The following FLI1 variants were observed in gnomAD, a reference collection of about 807,000 sequenced individuals.
FLI1 encodes the protein Fli-1 proto-oncogene, ETS transcription factor.
In FLI1, 13 loss-of-function variants were observed where a neutral mutation model predicts 53.1. The observed-to-expected ratio is 0.24, with a 90% CI of 0.16 to 0.39. The LOEUF (loss-of-function observed/expected upper bound fraction) is 0.39. FLI1 is among the 10% of genes least tolerant of loss of function. The pLI is 1.00. For missense variants in FLI1, 424 were observed against 600.5 expected (o/e 0.71, Z 3.07); for synonymous variants, 244 against 236.7 (o/e 1.03, Z -0.28).
intron 1 of FLI1, among the ~76,000 whole-genome samples, chr11:128,713,286 G>T (rs1334863332): frequency 6.6e-6 from 1 of 152,170 alleles, no homozygotes; most frequent in African/African-American, 2.4e-5. Flanking sequence ...TTCCTATGTA[G>T]AATTTATCAA....
chr11:128,776,424 G>T (rs1033520711), intron 4 of FLI1, among the ~76,000 whole-genome samples: 3 of 152,252 alleles, frequency 2.0e-5, no homozygotes, highest in Non-Finnish European at 4.4e-5. Context: ...GCCAAGGCGG[G>T]TGGATCACCT....
intron 1 of FLI1, among the ~76,000 whole-genome samples, chr11:128,703,899 A>G (rs1283996392): frequency 2.0e-5 from 3 of 151,950 alleles, no homozygotes; most frequent in African/African-American, 7.3e-5. Flanking sequence ...AGACTTGTAA[A>G]AAGGTGAATG....
chr11:128,726,907 A>G (rs1454601208), intron 1 of FLI1, among the ~76,000 whole-genome samples: 2 of 152,096 alleles, frequency 1.3e-5, no homozygotes, highest in Non-Finnish European at 2.9e-5. Flanking sequence ...TAAGTTCTGA[A>G]GGAGGGGAGG....
intron 5 of FLI1, among the ~76,000 whole-genome samples, chr11:128,793,616 A>C (rs1406445091): frequency 6.6e-6 from 1 of 151,950 alleles, no homozygotes; most frequent in African/African-American, 2.4e-5. Flanking sequence ...GCTCCTGACC[A>C]CTCAGAAGTT....
chr11:128,788,892 C>T (rs1942180730), intron 5 of FLI1, among the ~76,000 whole-genome samples: 1 of 152,192 alleles, frequency 6.6e-6, no homozygotes, highest in South Asian at 2.1e-4. Context: ...ACACAGCACA[C>T]TACCTACCCT....
chr11:128,802,526 T>C (rs911633347), intron 5 of FLI1, among the ~76,000 whole-genome samples: 1 of 152,228 alleles, frequency 6.6e-6, no homozygotes, highest in Admixed American at 6.5e-5. Flanking sequence ...TTTATGACTC[T>C]ATTACTTCAC....
intron 1 of FLI1, among the ~76,000 whole-genome samples, chr11:128,728,538 G>A (rs1939569770): frequency 6.6e-6 from 1 of 152,220 alleles, no homozygotes. Context: ...GCCCCTGTGA[G>A]TAAAATCTCC....
chr11:128,802,904 T>G (rs188487751), intron 5 of FLI1, among the ~76,000 whole-genome samples: 1 of 152,154 alleles, frequency 6.6e-6, no homozygotes, highest in Non-Finnish European at 1.5e-5. Flanking sequence ...AATAAGAGAA[T>G]AGGGAGAAAA....
intron 5 of FLI1, among the ~76,000 whole-genome samples, chr11:128,787,155 G>C (rs999043662): frequency 6.6e-6 from 1 of 152,206 alleles, no homozygotes. Flanking sequence ...CTCCAGGAGA[G>C]TCCTAGGTGG....
At chr11:128,744,733 T>C (rs1012640823) in intron 1 of FLI1, among the ~76,000 whole-genome samples, 3 of 152,158 alleles carry the variant, frequency 2.0e-5, no homozygotes, top group East Asian at 3.8e-4. Flanking sequence ...GGAGAACCAA[T>C]TCACTCAGCT....
At chr11:128,753,111 C>T (rs576299264) in intron 1 of FLI1, among the ~76,000 whole-genome samples, 2 of 152,300 alleles carry the variant, frequency 1.3e-5, no homozygotes, top group East Asian at 1.9e-4. Context: ...GACCCTATGC[C>T]ACCCTCTGGA....
upstream of FLI1, among the ~76,000 whole-genome samples, chr11:128,690,879 C>A (rs1398679439): frequency 6.6e-6 from 1 of 152,178 alleles, no homozygotes; most frequent in African/African-American, 2.4e-5. Context: ...TCGCCGATGG[C>A]ACTCATACCA....
chr11:128,734,037 T>A (rs1176899045), intron 1 of FLI1, among the ~76,000 whole-genome samples: 1 of 152,174 alleles, frequency 6.6e-6, no homozygotes, highest in Non-Finnish European at 1.5e-5. Flanking sequence ...AATGGCAGCT[T>A]CCCCAGAGCG....
chr11:128,772,028 CCACACACACACACACACACACACACACA>C (rs57703345), intron 3 of FLI1, among the ~76,000 whole-genome samples: 4 of 139,138 alleles, frequency 2.9e-5, no homozygotes, highest in Non-Finnish European at 4.7e-5. Flanking sequence ...AACATCCCCA[CCACACACACACACACACACACACACACA>C]CACACACACA....
chr11:128,736,446 T>C (rs1008828890), intron 1 of FLI1, among the ~76,000 whole-genome samples: 3 of 152,246 alleles, frequency 2.0e-5, no homozygotes, highest in Non-Finnish European at 4.4e-5. Flanking sequence ...CTTGAAATTC[T>C]AACTGGTAGC....
chr11:128,725,144 T>C (rs548505686), intron 1 of FLI1, among the ~76,000 whole-genome samples: 1 of 152,352 alleles, frequency 6.6e-6, no homozygotes, highest in South Asian at 2.1e-4. Flanking sequence ...GAGTAGTTTG[T>C]TCTGATTTCA....
chr11:128,783,372 C>T (rs1035885367), intron 5 of FLI1, among the ~76,000 whole-genome samples: 3 of 152,200 alleles, frequency 2.0e-5, no homozygotes, highest in Non-Finnish European at 2.9e-5. Context: ...ATGACCAGAA[C>T]ATTTAGTGGA....
intron 1 of FLI1, among the ~76,000 whole-genome samples, chr11:128,710,675 T>A (rs188954219): frequency 6.6e-6 from 1 of 152,350 alleles, no homozygotes; most frequent in Non-Finnish European, 1.5e-5. Flanking sequence ...AGAAAATTTA[T>A]TTGTCTATCT....
intron 1 of FLI1, among the ~76,000 whole-genome samples, chr11:128,722,459 C>A (rs1288526188): frequency 2.0e-5 from 3 of 152,214 alleles, no homozygotes; most frequent in Non-Finnish European, 4.4e-5. Flanking sequence ...CAATGCCATT[C>A]CTGCTGTGCC....
Sources: gnomAD v4.1 joint callset for allele counts (sites outside exome capture counted in the v4.1 genomes callset) on GRCh38, gnomAD v4.1.1 for gene constraint, MANE v1.5 for transcripts, NCBI Gene and HGNC (gene_info 2026-07-23, HGNC 2026-07-21) for gene names.